SLCO3A1: variants seen among roughly 807,000 people sequenced by gnomAD.
SLCO3A1 encodes PGE1 transporter.
Under a neutral mutation model 63.1 loss-of-function variants are expected in SLCO3A1, and 27 were observed. That is an observed-to-expected ratio of 0.43 (90% CI 0.32 to 0.59). SLCO3A1 has a LOEUF of 0.59. Ranked by LOEUF, SLCO3A1 falls within the 20% of genes least tolerant of loss-of-function variation. The pLI is 0.09. For synonymous variants in SLCO3A1, 473 were observed against 409.9 expected, an observed-to-expected ratio of 1.15 and a Z score of -1.86; for missense variants, 773 against 945.8, an observed-to-expected ratio of 0.82 and a Z score of 2.40.
intron 2 of SLCO3A1, among the ~76,000 whole-genome samples, chr15:91,974,445 C>T (rs1394236184): frequency 6.6e-6 from 1 of 152,114 alleles, no homozygotes; most frequent in Admixed American, 6.5e-5. Context: ...AGGCAACGGG[C>T]ACCTTGGCCT....
chr15:92,061,400 C>T (rs78521642), intron 2 of SLCO3A1, among the ~76,000 whole-genome samples: 38 of 152,318 alleles, frequency 2.5e-4, no homozygotes, highest in African/African-American at 8.4e-4. Flanking sequence ...GGAAGAGATG[C>T]ACAGCAGAAG....
At chr15:92,162,380 T>G in intron 9 of SLCO3A1, 1 of 184,758 alleles carries the variant, frequency 5.4e-6, no homozygotes, top group Non-Finnish European at 1.1e-5. Context: ...AAACTCCTGA[T>G]CTCAGGTGAT....
intron 2 of SLCO3A1, among the ~76,000 whole-genome samples, chr15:92,016,311 A>T (rs1428683000): frequency 1.4e-5 from 2 of 146,854 alleles, no homozygotes; most frequent in Admixed American, 6.8e-5. Flanking sequence ...TATGTATTTG[A>T]TATAAACTAA....
At chr15:92,115,147 A>G (rs1375970973) in intron 4 of SLCO3A1, among the ~76,000 whole-genome samples, 3 of 152,138 alleles carry the variant, frequency 2.0e-5, no homozygotes, top group East Asian at 1.9e-4. Flanking sequence ...ACTGAGCCCC[A>G]TGATAACCAC....
chr15:91,988,332 C>T (rs2046081363), intron 2 of SLCO3A1, among the ~76,000 whole-genome samples: 1 of 152,080 alleles, frequency 6.6e-6, no homozygotes. Flanking sequence ...CAGAGTGAGG[C>T]CCTGTCGCAA....
At chr15:92,133,836 A>G (rs2048024782) in intron 7 of SLCO3A1, among the ~76,000 whole-genome samples, 1 of 111,392 alleles carries the variant, frequency 9.0e-6, no homozygotes, top group South Asian at 2.5e-4. Context: ...ATGTGCTTGA[A>G]TCATCCTGAA....
intron 4 of SLCO3A1, among the ~76,000 whole-genome samples, chr15:92,113,527 C>T (rs2047755007): frequency 6.6e-6 from 1 of 152,208 alleles, no homozygotes; most frequent in Non-Finnish European, 1.5e-5. Flanking sequence ...CTCTTATCTC[C>T]AGAGGATGGT....
At chr15:91,992,287 CTT>C (rs1340724316) in intron 2 of SLCO3A1, among the ~76,000 whole-genome samples, 2 of 152,186 alleles carry the variant, frequency 1.3e-5, no homozygotes, top group African/African-American at 4.8e-5. Context: ...TCAATCAAGA[CTT>C]AGCAAATGCA....
intron 2 of SLCO3A1, among the ~76,000 whole-genome samples, chr15:92,073,838 A>G (rs2047244436): frequency 6.6e-6 from 1 of 152,242 alleles, no homozygotes; most frequent in Non-Finnish European, 1.5e-5. Flanking sequence ...CCTGGCGGGC[A>G]AAGTTGCCAC....
At chr15:92,020,198 G>GTATATATACACACACACAC (rs906532866) in intron 2 of SLCO3A1, among the ~76,000 whole-genome samples, 1 of 151,280 alleles carries the variant, frequency 6.6e-6, no homozygotes, top group African/African-American at 2.4e-5. Flanking sequence ...GTGTGCATGT[G>GTATATATACACACACACAC]TATATATACA....
In SLCO3A1 at chr15:92,048,423, C is replaced by A. The variant is rs563961653; in HGVS notation, c.647-46458C>A. On this transcript the variant is annotated intron_variant, in intron 2 of 9. Coordinates refer to ENST00000318445, the MANE Select transcript of SLCO3A1 (RefSeq NM_013272.4). ...AAGGAGTCCCCAACCTAGTTGACTG[C>A]AATAATCCAGACTTCCTAGTACAGT... Among the ~76,000 whole-genome samples, 29 of 152,246 alleles carry A rather than the reference C, an allele frequency of 1.9e-4. No homozygotes were observed. The Middle Eastern group carries it at 0.01, about 54-fold the overall frequency.
At position 91,865,633 on chromosome 15, in the gene SLCO3A1, G is replaced by A. The variant is rs1041881472; in HGVS notation, c.180+11545G>A. Reference sequence around the variant, plus strand: ...CAAGGGTCCTTGGATTCCTTGGCTCGCAGCTGCATCACTCCCATCTCTGCC... The same window carrying A: ...CAAGGGTCCTTGGATTCCTTGGCTCACAGCTGCATCACTCCCATCTCTGCC... On this transcript the variant is annotated intron_variant, in intron 1 of 9. Coordinates refer to ENST00000318445, the MANE Select transcript of SLCO3A1 (RefSeq NM_013272.4). The surrounding 1 kb of genome is among the most constrained non-coding windows in gnomAD (Gnocchi z 4.6). Among the ~76,000 whole-genome samples, 4 of 152,092 alleles carry A rather than the reference G, an allele frequency of 2.6e-5. No individual in the cohort carries two copies. The highest frequency in any genetic ancestry group is 4.8e-5 in the African/African-American group (2 of 41,400).
At chr15:92,144,211 T>G (rs770741159) in intron 7 of SLCO3A1, among the ~76,000 whole-genome samples, 5 of 152,156 alleles carry the variant, frequency 3.3e-5, no homozygotes, top group Non-Finnish European at 2.9e-5. Context: ...CTAAGACAGA[T>G]TAACAGGAGG....
intron 2 of SLCO3A1, among the ~76,000 whole-genome samples, chr15:92,004,047 G>A (rs970129955): frequency 4.0e-5 from 6 of 151,480 alleles, no homozygotes; most frequent in South Asian, 2.1e-4. Flanking sequence ...TACGTGGACC[G>A]TCTCAGGCAC....
chr15:92,104,436 GGCCAT>G lies in SLCO3A1; in HGVS notation c.906_910del (p.Met303LeufsTer77). 6.2e-7 allele frequency: 1 copy of G among 1,614,168 alleles called. No homozygotes were observed. The highest frequency in any genetic ancestry group is 8.5e-7 in the Non-Finnish European group (1 of 1,180,024). ...CAGAGCCCGCCATGGAAAGCGAGCA[GGCCAT>G]GCTCTCCGAAAGAGAATACGAGAGA... On this transcript the variant is annotated frameshift_variant, in exon 4 of 10. Coordinates refer to ENST00000318445, the MANE Select transcript of SLCO3A1 (RefSeq NM_013272.4). LOFTEE classifies it high-confidence loss of function.
intron 5 of SLCO3A1, among the ~76,000 whole-genome samples, chr15:92,123,177 C>A (rs2047883487): frequency 6.6e-6 from 1 of 152,184 alleles, no homozygotes; most frequent in Non-Finnish European, 1.5e-5. Flanking sequence ...GTAATCCCAA[C>A]ACTTTGGGAG....
intron 1 of SLCO3A1, among the ~76,000 whole-genome samples, chr15:91,914,646 T>G (rs998179431): frequency 1.3e-5 from 2 of 149,066 alleles, no homozygotes; most frequent in Non-Finnish European, 3.0e-5. Context: ...CTCAGCTCAC[T>G]GCAACCGCCG....
chr15:92,171,956 A>G (rs2048524213), exon 11 of SLCO3A1: 1 of 898,132 alleles, frequency 1.1e-6, no homozygotes, highest in Middle Eastern at 2.4e-4. Context: ...CTGTCCGAGA[A>G]CCCGAGGGTC....
chr15:92,167,871 C>T (rs535176951), downstream of SLCO3A1, among the ~76,000 whole-genome samples: 6 of 152,244 alleles, frequency 3.9e-5, no homozygotes, highest in Non-Finnish European at 7.3e-5. Flanking sequence ...CCCTTAGAAA[C>T]CTGTGACTGC....
Sources: gnomAD v4.1 joint callset for allele counts (sites outside exome capture counted in the v4.1 genomes callset) on GRCh38, gnomAD v4.1.1 for gene constraint, Gnocchi (gnomAD v3.1) non-coding constraint, MANE v1.5 for transcripts, NCBI Gene and HGNC (gene_info 2026-07-23, HGNC 2026-07-21) for gene names.